DCAF10: variants seen among roughly 807,000 people sequenced by gnomAD.
DCAF10 encodes DDB1- and CUL4-associated factor 10.
In DCAF10, 19 loss-of-function variants were observed where a neutral mutation model predicts 51.9. The observed-to-expected ratio is 0.37, with a 90% CI of 0.26 to 0.54. DCAF10 has a LOEUF of 0.54. Among genes scored for constraint, DCAF10 ranks in the 20% least tolerant of loss-of-function variants. DCAF10 has a pLI of 0.87. For missense variants in DCAF10, 510 were observed against 730.6 expected (o/e 0.70, Z 3.48); for synonymous variants, 291 against 297.1 (o/e 0.98, Z 0.21).
At chr9:37,843,634 T>C (rs187612019) in intron 3 of DCAF10, among the ~76,000 whole-genome samples, 2 of 150,052 alleles carry the variant, frequency 1.3e-5, no homozygotes, top group Admixed American at 1.3e-4. Flanking sequence ...AAACTAGTCA[T>C]ATACTGCAAC....
chr9:37,841,380 A>G (rs1032909315), intron 2 of DCAF10, among the ~76,000 whole-genome samples: 1 of 152,246 alleles, frequency 6.6e-6, no homozygotes, highest in Non-Finnish European at 1.5e-5. Flanking sequence ...TGTTAAATTA[A>G]GCAAAAATTC....
At chr9:37,842,891 G>C (rs1327873453) in intron 3 of DCAF10, among the ~76,000 whole-genome samples, 2 of 152,178 alleles carry the variant, frequency 1.3e-5, no homozygotes, top group Admixed American at 1.3e-4. Context: ...CCAACAAAAT[G>C]TCTCCTTATA....
upstream of DCAF10, chr9:37,800,740 G>A (rs1344594833): frequency 3.9e-6 from 6 of 1,534,062 alleles, no homozygotes; most frequent in East Asian, 9.8e-5. Context: ...GACGGTGGCC[G>A]AGGGGCGGCG....
Position 37,861,085 on chromosome 9 carries a change from C to G in DCAF10, c.1312-55C>G, listed in dbSNP as rs1830999877. On this transcript the variant is annotated intron_variant, in intron 6 of 6. Transcript: ENST00000377724. The surrounding 1 kb of genome is among the most constrained non-coding windows in gnomAD (Gnocchi z 4.9). ...TGAGCTTTTTAAAAATAAGGAATATCTGTAGCACTATTTGGGCTCTGTAAC... is the reference window on the plus strand; with the variant it reads ...TGAGCTTTTTAAAAATAAGGAATATGTGTAGCACTATTTGGGCTCTGTAAC... 1.3e-6 allele frequency: 2 copies of G among 1,542,840 alleles called. No individual in the cohort carries two copies. Among genetic ancestry groups the G allele is most frequent in the South Asian group, 2.4e-5 (2 of 82,490 alleles).
chr9:37,812,737 A>G (rs1283273261), intron 1 of DCAF10, among the ~76,000 whole-genome samples: 1 of 152,200 alleles, frequency 6.6e-6, no homozygotes, highest in African/African-American at 2.4e-5. Flanking sequence ...GGGCTCAAGT[A>G]ATCCTCTTGC....
At chr9:37,814,127 T>TATATATATTTG (rs1554685262) in intron 1 of DCAF10, among the ~76,000 whole-genome samples, 1 of 100,636 alleles carries the variant, frequency 9.9e-6, no homozygotes, top group Non-Finnish European at 2.0e-5. Context: ...TATATATATA[T>TATATATATTTG]TTGTTGTTGT....
In DCAF10 at chr9:37,854,939, C is replaced by T; in HGVS notation, c.1011C>T (p.Gly337=). ...ACTTAACTAAGTCTTTAGAAGTAGGCAGCTATCCCATTTTAAGAGCAAGAA... is the reference window on the plus strand; with the variant it reads ...ACTTAACTAAGTCTTTAGAAGTAGGTAGCTATCCCATTTTAAGAGCAAGAA... ...DLDLTKSLEV[G]SYPILRARRT... is the part of the protein sequence containing the mutation. The change falls in exon 4 of 7, where the codon GGC becomes GGT. Residue 337 remains glycine, a synonymous_variant. Coordinates refer to ENST00000377724, the MANE Select transcript of DCAF10 (RefSeq NM_024345.5). 1 of 1,613,538 alleles carries T rather than the reference C, an allele frequency of 6.2e-7. No individual in the cohort carries two copies. Among genetic ancestry groups the T allele is most frequent in the Non-Finnish European group, 8.5e-7 (1 of 1,179,860 alleles).
At chr9:37,818,857 A>T (rs1276504109) in intron 1 of DCAF10, among the ~76,000 whole-genome samples, 1 of 152,182 alleles carries the variant, frequency 6.6e-6, no homozygotes, top group Non-Finnish European at 1.5e-5. Flanking sequence ...ATTTCAAAGT[A>T]TTGTGTACTA....
rs114662064 is a variant in DCAF10, at chr9:37,803,951, G to A, written c.539+2546G>A. ...GTATTTTCTAAAGAATTCAAAAAAT[G>A]TTTTAAGTGATAGAAACATTGTCAA... On this transcript the variant is annotated intron_variant, in intron 1 of 6. Transcript: ENST00000377724. Among the ~76,000 whole-genome samples the A allele has an allele frequency of 3.7e-3, 561 of 151,712 alleles. 5 individuals are homozygous for A. Among genetic ancestry groups the A allele is most frequent in the African/African-American group, 0.013 (543 of 41,352 alleles).
In DCAF10 at chr9:37,842,275, G is replaced by C; in HGVS notation, c.840G>C (p.Trp280Cys). 1 of 1,612,748 alleles carries C rather than the reference G, an allele frequency of 6.2e-7. No homozygotes were observed. The highest frequency in any genetic ancestry group is 1.7e-5 in the Admixed American group (1 of 59,750). ...TSGFDGNVII[W>C]DTNRYTEDGC... is the part of the protein sequence containing the mutation. ...GATTTGATGGAAATGTCATTATTTG[G>C]GACACTAACAGGTTTGTGAATAGGA... The change falls in exon 3 of 7, where the codon TGG becomes TGC. Residue 280 changes from tryptophan (W) to cysteine (C), a missense_variant. Physicochemically the swap from Trp to Cys is radical, Grantham distance 215. This residue lies in a region of DCAF10 where 126 missense variants were observed against 271.5 expected (regional missense o/e 0.46). Transcript: ENST00000377724.
chr9:37,840,442 A>G (rs1277718188), intron 2 of DCAF10, among the ~76,000 whole-genome samples: 6 of 151,342 alleles, frequency 4.0e-5, no homozygotes. Context: ...GTGTAGAACT[A>G]GGCTAATGTG....
chr9:37,860,755 C>G (rs1338869071), intron 6 of DCAF10, among the ~76,000 whole-genome samples: 1 of 152,104 alleles, frequency 6.6e-6, no homozygotes, highest in Non-Finnish European at 1.5e-5. Flanking sequence ...GAGGCCACAA[C>G]TGAAAGGAGA....
chr9:37,808,214 A>C lies in DCAF10; in HGVS notation c.539+6809A>C, dbSNP rs140770980. 5.9e-3 allele frequency among the ~76,000 whole-genome samples: 891 copies of C among 151,826 alleles called. 8 individuals carry two copies. The highest frequency in any genetic ancestry group is 0.02 in the African/African-American group (820 of 41,412). ...TTTGGGAGGCTGAGGCAGGTGGATCACTTGAGCCTGGGAGTTCCAGACCAT... is the reference window on the plus strand; with the variant it reads ...TTTGGGAGGCTGAGGCAGGTGGATCCCTTGAGCCTGGGAGTTCCAGACCAT... On this transcript the variant is annotated intron_variant, in intron 1 of 6. Coordinates refer to ENST00000377724, the MANE Select transcript of DCAF10 (RefSeq NM_024345.5).
At chr9:37,835,438 G>C (rs902577811) in intron 2 of DCAF10, among the ~76,000 whole-genome samples, 1 of 152,050 alleles carries the variant, frequency 6.6e-6, no homozygotes, top group Non-Finnish European at 1.5e-5. Flanking sequence ...AATTAACCGG[G>C]TGTGATGGTG....
At chr9:37,857,399 A>G in intron 5 of DCAF10, 48 bp downstream of exon 5, 2 of 1,355,042 alleles carry the variant, frequency 1.5e-6, no homozygotes, top group South Asian at 2.6e-5. Context: ...AGATTATGCC[A>G]ATCTGATTAA....
At chr9:37,826,880 C>T (rs1480926539) in intron 2 of DCAF10, among the ~76,000 whole-genome samples, 1 of 136,754 alleles carries the variant, frequency 7.3e-6, no homozygotes, top group Non-Finnish European at 1.5e-5. Context: ...GGCTGGAGAG[C>T]AATGGCGCGA....
intron 1 of DCAF10, among the ~76,000 whole-genome samples, chr9:37,802,331 A>C (rs780648034): frequency 8.5e-5 from 13 of 152,228 alleles, no homozygotes; most frequent in Non-Finnish European, 8.8e-5. Context: ...ATAATGCATA[A>C]AATATATTTG....
intron 2 of DCAF10, among the ~76,000 whole-genome samples, chr9:37,824,719 C>T (rs1829803971): frequency 6.6e-6 from 1 of 151,792 alleles, no homozygotes; most frequent in African/African-American, 2.4e-5. Context: ...ATCTGTTGCT[C>T]TATTGATATA....
chr9:37,834,949 C>A (rs1830112392), intron 2 of DCAF10, among the ~76,000 whole-genome samples: 1 of 151,938 alleles, frequency 6.6e-6, no homozygotes, highest in Admixed American at 6.6e-5. Flanking sequence ...CCACACCTGG[C>A]TAATTTTGGT....
Sources: allele counts gnomAD v4.1 joint callset (sites outside exome capture counted in the v4.1 genomes callset), GRCh38; gene constraint gnomAD v4.1.1; regional missense constraint gnomAD v4.1.1; non-coding constraint Gnocchi (gnomAD v3.1); transcripts MANE v1.5; gene names NCBI Gene and HGNC (gene_info 2026-07-23, HGNC 2026-07-21).